Variants in EPHA3 observed in about 807,000 individuals in gnomAD.
EPHA3 encodes the protein ephrin type-A receptor 3.
EPHA3 carries 42 observed loss-of-function variants against 107.1 expected under a neutral mutation model. The ratio of observed to expected loss-of-function variants is 0.39; its 90% CI spans 0.31 to 0.51. EPHA3 has a LOEUF of 0.51. Ranked by LOEUF, EPHA3 falls within the 20% of genes least tolerant of loss-of-function variation. The pLI is 0.78. For missense variants in EPHA3, 1,183 were observed against 1,211.2 expected (o/e 0.98, Z 0.35); for synonymous variants, 461 against 424.8 (o/e 1.09, Z -1.05).
chr3:89,225,319 T>C (rs892688993), intron 3 of EPHA3, among the ~76,000 whole-genome samples: 3 of 152,142 alleles, frequency 2.0e-5, no homozygotes, highest in Non-Finnish European at 2.9e-5. Context: ...AAAATACTCT[T>C]TACTTACTCC....
At chr3:89,174,606 C>T (rs1277471015) in intron 2 of EPHA3, among the ~76,000 whole-genome samples, 2 of 151,772 alleles carry the variant, frequency 1.3e-5, no homozygotes, top group Admixed American at 1.3e-4. Context: ...TTAAGAATCC[C>T]TGTCTTGAAT....
At chr3:89,338,640 C>T (rs1002609004) in intron 3 of EPHA3, among the ~76,000 whole-genome samples, 45 of 152,214 alleles carry the variant, frequency 3.0e-4, no homozygotes, top group African/African-American at 1.1e-3. Flanking sequence ...GCTCCGCCTC[C>T]CTGGTTCCCG....
chr3:89,126,980 T>C (rs74370511), intron 1 of EPHA3, among the ~76,000 whole-genome samples: 2,825 of 152,008 alleles, frequency 0.019, 82 homozygotes, highest in African/African-American at 0.062. Context: ...TAACCTATCC[T>C]TGTAAACAAA....
chr3:89,350,171 T>C (rs1707775082), intron 5 of EPHA3, among the ~76,000 whole-genome samples: 1 of 150,914 alleles, frequency 6.6e-6, no homozygotes, highest in Admixed American at 6.6e-5. Context: ...CCTGCCTTGC[T>C]AGATTGGGGA....
chr3:89,139,528 T>C (rs748930181), intron 2 of EPHA3, among the ~76,000 whole-genome samples: 1 of 151,894 alleles, frequency 6.6e-6, no homozygotes, highest in East Asian at 1.9e-4. Flanking sequence ...AAAAATATTA[T>C]ATGTAGAATC....
At chr3:89,181,241 A>T (rs977860251) in intron 2 of EPHA3, among the ~76,000 whole-genome samples, 4 of 151,958 alleles carry the variant, frequency 2.6e-5, no homozygotes, top group Non-Finnish European at 4.4e-5. Flanking sequence ...CAAAATTGTA[A>T]TAGGCATGTT....
chr3:89,194,812 T>C lies in EPHA3; in HGVS notation c.154-15048T>C, dbSNP rs1314416670. ...TCTCCAGCAACTCTGACATTGTTTT[T>C]CCCTTGTTCTATTCTCACCTCTGCA... On this transcript the variant is annotated intron_variant, in intron 2 of 16. Coordinates refer to ENST00000336596, the MANE Select transcript of EPHA3 (RefSeq NM_005233.6). Among the ~76,000 whole-genome samples, 5 of 152,126 alleles carry C rather than the reference T, an allele frequency of 3.3e-5. No individual in the cohort carries two copies. In the East Asian group the frequency reaches 9.6e-4, roughly 29 times the overall value.
intron 1 of EPHA3, among the ~76,000 whole-genome samples, chr3:89,117,774 A>G (rs1027991958): frequency 3.9e-5 from 6 of 152,108 alleles, no homozygotes; most frequent in African/African-American, 1.4e-4. Context: ...TTTATTTGTC[A>G]CTATCTAATC....
chr3:89,272,781 T>G (rs960991391), intron 3 of EPHA3, among the ~76,000 whole-genome samples: 1 of 151,914 alleles, frequency 6.6e-6, no homozygotes, highest in Non-Finnish European at 1.5e-5. Flanking sequence ...ATGGAACACA[T>G]GGAAAGTTGG....
intron 13 of EPHA3, among the ~76,000 whole-genome samples, chr3:89,440,886 T>G (rs1709769436): frequency 1.3e-5 from 2 of 152,346 alleles, no homozygotes; most frequent in South Asian, 2.1e-4. Flanking sequence ...TATTCCAAAG[T>G]TAGTCTTTCT....
chr3:89,346,075 C>T (rs1053037760), intron 5 of EPHA3, among the ~76,000 whole-genome samples: 4 of 125,954 alleles, frequency 3.2e-5, no homozygotes, highest in African/African-American at 1.3e-4. Context: ...CCTCAATAAA[C>T]ATACGTGTGC....
chr3:89,150,197 C>T (rs1327131143), intron 2 of EPHA3, among the ~76,000 whole-genome samples: 4 of 151,878 alleles, frequency 2.6e-5, no homozygotes, highest in Non-Finnish European at 4.4e-5. Context: ...TGTTAAATCA[C>T]ACCACAGACA....
chr3:89,451,772 G>A (rs1016334938), intron 15 of EPHA3, among the ~76,000 whole-genome samples: 6 of 152,002 alleles, frequency 3.9e-5, no homozygotes, highest in Admixed American at 6.6e-5. Context: ...ATAGTATCCC[G>A]CCCTGTTGTT....
chr3:89,308,811 G>T (rs778917221), intron 3 of EPHA3, among the ~76,000 whole-genome samples: 5 of 152,034 alleles, frequency 3.3e-5, no homozygotes, highest in Admixed American at 6.6e-5. Flanking sequence ...GTAATCTTTT[G>T]TAGATAACAT....
intron 2 of EPHA3, among the ~76,000 whole-genome samples, chr3:89,130,417 A>G (rs1313658995): frequency 1.3e-5 from 2 of 152,070 alleles, no homozygotes; most frequent in African/African-American, 2.4e-5. Flanking sequence ...TAAATAAGTG[A>G]TTCATTTCAA....
intron 3 of EPHA3, among the ~76,000 whole-genome samples, chr3:89,307,211 A>T (rs1008033602): frequency 2.0e-5 from 3 of 152,136 alleles, no homozygotes; most frequent in African/African-American, 7.2e-5. Flanking sequence ...GAAAGCCTAA[A>T]ATTGTCTTGA....
At chr3:89,111,265 A>G (rs1445001966) in intron 1 of EPHA3, among the ~76,000 whole-genome samples, 1 of 152,034 alleles carries the variant, frequency 6.6e-6, no homozygotes, top group African/African-American at 2.4e-5. Flanking sequence ...CAATTTTTTC[A>G]TTTTTAAAAA....
At chr3:89,349,712 C>G (rs1213782644) in intron 5 of EPHA3, among the ~76,000 whole-genome samples, 6 of 146,336 alleles carry the variant, frequency 4.1e-5, no homozygotes, top group African/African-American at 1.6e-4. Context: ...TTCCTAGTCT[C>G]GATGGTCTTT....
chr3:89,328,942 C>G (rs993988665), intron 3 of EPHA3, among the ~76,000 whole-genome samples: 1 of 152,076 alleles, frequency 6.6e-6, no homozygotes, highest in Non-Finnish European at 1.5e-5. Context: ...CCTGGGTTTT[C>G]AAAGGCAACA....
Sources: allele counts gnomAD v4.1 joint callset (sites outside exome capture counted in the v4.1 genomes callset), GRCh38; gene constraint gnomAD v4.1.1; transcripts MANE v1.5; gene names NCBI Gene and HGNC (gene_info 2026-07-23, HGNC 2026-07-21).